Variants in NRXN3 observed in about 807,000 individuals in gnomAD.
NRXN3 encodes the protein neurexin 3.
A neutral mutation model predicts 137.6 loss-of-function variants in NRXN3; 32 were observed. The ratio of observed to expected loss-of-function variants is 0.23; its 90% confidence interval spans 0.18 to 0.31. The LOEUF is 0.31. Among genes scored for constraint, NRXN3 ranks in the 10% least tolerant of loss-of-function variants. NRXN3 has a pLI of 1.00. For missense variants in NRXN3, 1,574 were observed against 2,062.5 expected (o/e 0.76, Z 4.59); for synonymous variants, 798 against 784.5 (o/e 1.02, Z -0.29).
intron 4 of NRXN3, among the ~76,000 whole-genome samples, chr14:78,391,063 A>G (rs942671981): frequency 2.0e-5 from 3 of 152,220 alleles, no homozygotes; most frequent in African/African-American, 7.2e-5. Flanking sequence ...CTAGTTTGCC[A>G]AGGATAATGA....
chr14:79,406,263 C>T (rs1282771346), intron 15 of NRXN3, among the ~76,000 whole-genome samples: 1 of 143,088 alleles, frequency 7.0e-6, no homozygotes, highest in Non-Finnish European at 1.5e-5. Flanking sequence ...CCCCTCCCAT[C>T]CTCTCCCCTC....
intron 15 of NRXN3, among the ~76,000 whole-genome samples, chr14:79,133,853 C>G (rs2057905935): frequency 1.3e-5 from 2 of 150,674 alleles, no homozygotes; most frequent in Non-Finnish European, 2.9e-5. Context: ...GGCGTGAACC[C>G]AGGAGGTGGA....
chr14:78,566,063 G>A (rs1405276544), intron 4 of NRXN3, among the ~76,000 whole-genome samples: 1 of 152,126 alleles, frequency 6.6e-6, no homozygotes, highest in Non-Finnish European at 1.5e-5. Context: ...ATGAAACCGT[G>A]TTGCTTTTTT....
chr14:79,697,964 C>T lies in NRXN3; in HGVS notation c.4014+27C>T, dbSNP rs539416697. ...TAGGCCTTTTTCCAAGTATTAATTG[C>T]GTCTGTATTTTTATCTTTGCAACAT... On this transcript the variant is annotated intron_variant, in intron 19 of 20. Transcript: ENST00000335750. 157 of 1,583,164 alleles carry T rather than the reference C, an allele frequency of 9.9e-5. No homozygotes were observed. The South Asian group carries it at 1.4e-3, about 14-fold the overall frequency.
At chr14:78,946,453 C>A (rs7144899) in intron 10 of NRXN3, among the ~76,000 whole-genome samples, 1 of 152,054 alleles carries the variant, frequency 6.6e-6, no homozygotes, top group Non-Finnish European at 1.5e-5. Context: ...ATTTGTTCAA[C>A]TCCCCCAGCA....
At chr14:79,828,618 CAAAAA>C (rs60094990) in intron 20 of NRXN3, among the ~76,000 whole-genome samples, 5 of 67,556 alleles carry the variant, frequency 7.4e-5, no homozygotes, top group African/African-American at 1.2e-4. Context: ...GACTCCATCT[CAAAAA>C]AAAAAAAAAA....
chr14:78,550,617 G>A (rs1397999707), intron 4 of NRXN3, among the ~76,000 whole-genome samples: 1 of 152,140 alleles, frequency 6.6e-6, no homozygotes, highest in Non-Finnish European at 1.5e-5. Context: ...GGTGTTATCA[G>A]TAAGGTTCAA....
intron 18 of NRXN3, 106 bp downstream of exon 18, chr14:79,692,368 T>A: frequency 1.2e-6 from 1 of 823,258 alleles, no homozygotes. Flanking sequence ...GCTGCATAAA[T>A]GACTGTTTTA....
intron 15 of NRXN3, among the ~76,000 whole-genome samples, chr14:79,013,161 C>G (rs2099573935): frequency 6.6e-6 from 1 of 152,078 alleles, no homozygotes; most frequent in Non-Finnish European, 1.5e-5. Flanking sequence ...TCCAGCAATT[C>G]AGAAAGGGTT....
intron 10 of NRXN3, among the ~76,000 whole-genome samples, chr14:78,905,099 G>A (rs1207672190): frequency 6.6e-6 from 1 of 151,920 alleles, no homozygotes; most frequent in Non-Finnish European, 1.5e-5. Context: ...ATATTCTTCA[G>A]GATTTGGCCT....
intron 11 of NRXN3, among the ~76,000 whole-genome samples, chr14:78,960,880 A>G (rs1261374711): frequency 6.6e-6 from 1 of 152,236 alleles, no homozygotes; most frequent in African/African-American, 2.4e-5. Flanking sequence ...ATTTTTAAAA[A>G]CTTGACAAAA....
intron 4 of NRXN3, among the ~76,000 whole-genome samples, chr14:78,412,665 C>T (rs1373179308): frequency 6.6e-6 from 1 of 152,150 alleles, no homozygotes; most frequent in Non-Finnish European, 1.5e-5. Context: ...GATTTAAACC[C>T]AGGTCACGTG....
At chr14:78,651,740 A>G (rs1566977373) in intron 6 of NRXN3, among the ~76,000 whole-genome samples, 1 of 151,416 alleles carries the variant, frequency 6.6e-6, no homozygotes, top group Non-Finnish European at 1.5e-5. Context: ...AAACCATCAG[A>G]TCTTATGAGA....
intron 1 of NRXN3, among the ~76,000 whole-genome samples, chr14:78,184,190 TC>T (rs1167464567): frequency 6.6e-6 from 1 of 152,214 alleles, no homozygotes; most frequent in Non-Finnish European, 1.5e-5. Context: ...GCATCTGCAA[TC>T]CAGGGTGTGT....
At chr14:78,647,218 T>C (rs1184480195) in intron 5 of NRXN3, among the ~76,000 whole-genome samples, 1 of 152,218 alleles carries the variant, frequency 6.6e-6, no homozygotes, top group Non-Finnish European at 1.5e-5. Flanking sequence ...TAAACCAAAC[T>C]GTAATTCAAA....
chr14:79,495,242 A>G (rs2096754999), intron 16 of NRXN3, among the ~76,000 whole-genome samples: 1 of 152,150 alleles, frequency 6.6e-6, no homozygotes, highest in Non-Finnish European at 1.5e-5. Flanking sequence ...CGCTCCCACT[A>G]AAGAAAAAGA....
chr14:79,494,018 G>A (rs372252409), intron 16 of NRXN3, among the ~76,000 whole-genome samples: 7 of 152,116 alleles, frequency 4.6e-5, no homozygotes, highest in African/African-American at 1.7e-4. Context: ...TACATGGTAG[G>A]TGTTCCATCA....
intron 10 of NRXN3, among the ~76,000 whole-genome samples, chr14:78,868,324 C>T (rs1026809850): frequency 9.9e-5 from 15 of 152,102 alleles, no homozygotes; most frequent in African/African-American, 3.4e-4. Context: ...CTGTGACCCT[C>T]TCTGCACTCA....
chr14:79,403,042 T>C (rs2095242727), intron 15 of NRXN3, among the ~76,000 whole-genome samples: 1 of 152,186 alleles, frequency 6.6e-6, no homozygotes, highest in South Asian at 2.1e-4. Flanking sequence ...TAATTTGTTG[T>C]ATATTTGTTT....
Sources: gnomAD v4.1 joint callset for allele counts (sites outside exome capture counted in the v4.1 genomes callset) on GRCh38, gnomAD v4.1.1 for gene constraint, MANE v1.5 for transcripts, NCBI Gene and HGNC (gene_info 2026-07-23, HGNC 2026-07-21) for gene names.